DEPDC1: variants seen among roughly 807,000 people sequenced by gnomAD.
DEPDC1 encodes the protein DEP domain containing 1.
In DEPDC1, 66 loss-of-function variants were observed where a neutral mutation model predicts 86.8. The ratio of observed to expected loss-of-function variants is 0.76; its 90% CI spans 0.62 to 0.93. The LOEUF (loss-of-function observed/expected upper bound fraction) is 0.93, where lower values mean the gene tolerates loss of function less well. DEPDC1 is among the 40% of genes least tolerant of loss of function. The probability of loss-of-function intolerance (pLI) is 0.00; values close to 1 mark genes in which losing one functional copy is unlikely to be tolerated. For missense variants in DEPDC1, 792 were observed against 935.7 expected, an observed-to-expected ratio of 0.85 and a Z score of 2.00; for synonymous variants, 255 against 314.9, an observed-to-expected ratio of 0.81 and a Z score of 2.02.
In DEPDC1 at chr1:68,479,211, A is replaced by G; in HGVS notation, c.2045T>C (p.Ile682Thr). The change falls in exon 10 of 12, where the codon ATT (isoleucine) becomes ACT (threonine). Residue 682 changes from isoleucine to threonine, a missense_variant. By Grantham distance (89) the Ile-to-Thr change is moderately conservative. Coordinates refer to ENST00000456315, the MANE Select transcript of DEPDC1 (RefSeq NM_001114120.3). ...VSFLMDHHQEILQVPSYLQTA... is the reference protein window; with the variant it reads ...VSFLMDHHQETLQVPSYLQTA... ...CTGTAAGTAAGAGGGTACTTGAAGA[A>G]TTTCCTGATGATGATCCATTAAGAA... 6.2e-7 allele frequency: 1 copy of G among 1,612,344 alleles called. No homozygotes were observed. The highest frequency in any genetic ancestry group is 8.5e-7 in the Non-Finnish European group (1 of 1,179,274).
Position 68,479,190 on chromosome 1 carries a change from A to T in DEPDC1, c.2066T>A (p.Leu689Ter), listed in dbSNP as rs1050001809. The change falls in exon 10 of 12, where the codon TTA (leucine) becomes TAA (stop). Residue 689 changes from leucine to a stop codon, truncating the protein, a stop_gained. Coordinates refer to ENST00000456315, the MANE Select transcript of DEPDC1 (RefSeq NM_001114120.3). LOFTEE classifies it high-confidence loss of function. Reference protein sequence around the residue: ...HQEILQVPSYLQTAVEKHLDY... With the variant: ...HQEILQVPSY ...AAGATGTTTTTCCACTGCAGTCTGT[A>T]AGTAAGAGGGTACTTGAAGAATTTC... is the stretch of plus-strand genomic sequence containing the variant. 6.2e-7 allele frequency: 1 copy of T among 1,611,666 alleles called. No individual in the cohort carries two copies. Among genetic ancestry groups the T allele is most frequent in the African/African-American group, 1.3e-5 (1 of 74,768 alleles).
intron 7 of DEPDC1, 184 bp from the exon 8 acceptor site, chr1:68,483,081 C>T (rs1032601276): frequency 1.8e-5 from 11 of 623,042 alleles, no homozygotes; most frequent in Middle Eastern, 4.3e-4. Context: ...CGGTTACAAA[C>T]GTGCAAGACA....
At chr1:68,490,267 T>C (rs1646220831) in intron 2 of DEPDC1, among the ~76,000 whole-genome samples, 2 of 152,146 alleles carry the variant, frequency 1.3e-5, no homozygotes, top group Non-Finnish European at 2.9e-5. Flanking sequence ...CTCTCCCTCC[T>C]CACACCTTCC....
chr1:68,478,131 T>C (rs1646130114), intron 10 of DEPDC1, among the ~76,000 whole-genome samples, 159 bp from the exon 11 acceptor site: 1 of 151,988 alleles, frequency 6.6e-6, no homozygotes, highest in Admixed American at 6.6e-5. Context: ...TGTAAGTCAG[T>C]AGGTTCTAAA....
chr1:68,487,718 C>A (rs1646201838), intron 5 of DEPDC1, among the ~76,000 whole-genome samples: 1 of 151,862 alleles, frequency 6.6e-6, no homozygotes, highest in Admixed American at 6.6e-5. Context: ...CAGTTAATTC[C>A]ACAGACAGAA....
chr1:68,480,570 A>T (rs1164807710), intron 9 of DEPDC1, among the ~76,000 whole-genome samples: 2 of 151,776 alleles, frequency 1.3e-5, no homozygotes, highest in Admixed American at 6.6e-5. Context: ...TATTTCCAAC[A>T]TTCTGTTGGA....
In DEPDC1 at chr1:68,479,340, T is replaced by C. The variant is rs1557616421; in HGVS notation, c.1936-20A>G. ...TATCATCTAGAAAAATATTAAAAGA[T>C]GTGAATTTAAAAAGCTAAGGTTGCA... is the stretch of plus-strand genomic sequence containing the variant. On this transcript the variant is annotated intron_variant, in intron 9 of 11. Transcript: ENST00000456315. 1.3e-6 allele frequency: 2 copies of C among 1,539,004 alleles called. No homozygotes were observed. Among genetic ancestry groups the C allele is most frequent in the Non-Finnish European group, 1.8e-6 (2 of 1,139,404 alleles).
intron 3 of DEPDC1, 121 bp from the exon 4 acceptor site, chr1:68,489,155 A>G: frequency 1.4e-6 from 1 of 690,638 alleles, no homozygotes; most frequent in Non-Finnish European, 2.5e-6. Context: ...CAAAGAAATA[A>G]TGTAATATGG....
rs201872801 is a variant in DEPDC1, at chr1:68,489,574, G to A, written c.349C>T (p.Arg117Ter). ...TTTTTTCTCAATTCTGGATACCTTC[G>A]TGGTAGAGTTTTAAGTGGCGAAGTT... ...PATSPLKTLP[R>*]RYPELRKNNI... Residue 117 changes from arginine (R) to a stop codon, truncating the protein, a stop_gained, in exon 3 of 12, where the codon CGA becomes TGA. Coordinates refer to ENST00000456315, the MANE Select transcript of DEPDC1 (RefSeq NM_001114120.3). LOFTEE classifies it high-confidence loss of function. 3.1e-5 allele frequency: 47 copies of A among 1,539,956 alleles called. No homozygotes were observed. The highest frequency in any genetic ancestry group is 2.9e-5 in the African/African-American group (2 of 69,398).
rs964196131 is a variant in DEPDC1 at position 68,496,659 on chromosome 1, G to C, written c.48+293C>G. ...TCGGAATATTCTAAGACGCCCCCACGGGACGCCGGCCACACCAGGCACAGG... is the reference window on the plus strand; with the variant it reads ...TCGGAATATTCTAAGACGCCCCCACCGGACGCCGGCCACACCAGGCACAGG... On this transcript the variant is annotated intron_variant, in intron 1 of 11. Transcript: ENST00000456315. The surrounding 1 kb of genome is among the most constrained non-coding windows in gnomAD (Gnocchi z 4.0). The C allele has an allele frequency of 3.6e-5, 13 of 361,296 alleles. No homozygotes were observed. The highest frequency in any genetic ancestry group is 9.1e-5 in the Admixed American group (2 of 21,976). The allele number at this position is 361,296 out of a possible 1,614,324, so 22.4% of individuals were successfully genotyped here. A position where few individuals can be genotyped will look rare whatever the true frequency, so the allele number is the denominator to read the frequency against.
chr1:68,488,477 G>T lies in DEPDC1; in HGVS notation c.618C>A (p.Ser206=). 6.2e-7 allele frequency: 1 copy of T among 1,604,528 alleles called. No individual in the cohort carries two copies. Among genetic ancestry groups the T allele is most frequent in the South Asian group, 1.1e-5 (1 of 89,088 alleles). Reference sequence around the variant, plus strand: ...GTTTTGGATTTATGACTTCTTCTAGGGATGGCACACCTAAAATGGTTTGCA... The same window carrying T: ...GTTTTGGATTTATGACTTCTTCTAGTGATGGCACACCTAAAATGGTTTGCA... ...IYLQTILGVP[S]LEEVINPKQV... The change falls in exon 5 of 12, where the codon TCC becomes TCA. Residue 206 remains serine, a synonymous_variant. Transcript: ENST00000456315.
chr1:68,487,079 T>C, intron 5 of DEPDC1, 95 bp from the exon 6 acceptor site: 2 of 1,089,608 alleles, frequency 1.8e-6, no homozygotes, highest in Middle Eastern at 2.2e-4. Flanking sequence ...TATATATGTA[T>C]ATACACATAC....
At chr1:68,478,617 G>A (rs1646132857) in intron 10 of DEPDC1, among the ~76,000 whole-genome samples, 1 of 151,876 alleles carries the variant, frequency 6.6e-6, no homozygotes, top group South Asian at 2.1e-4. Context: ...TACAGTAGAT[G>A]TCTGTTATTT....
chr1:68,485,858 C>A lies in DEPDC1; in HGVS notation c.769+1079G>T, dbSNP rs1284207684. On this transcript the variant is annotated intron_variant, in intron 6 of 11. Transcript: ENST00000456315. The stretch of plus-strand genomic sequence containing the variant: ...TGGACAACAAAGGAATATAAAGTTA[C>A]CCTGAACATTAATAAAACCCTATTA... Among the ~76,000 whole-genome samples the A allele has an allele frequency of 2.0e-5, 3 of 151,876 alleles. No homozygotes were observed. The East Asian group carries it at 5.8e-4, about 29-fold the overall frequency.
chr1:68,475,702 C>T lies in DEPDC1; in HGVS notation c.*1230G>A, dbSNP rs2100235556. On this transcript the variant is annotated 3_prime_UTR_variant, in exon 12 of 12. Coordinates refer to ENST00000456315, the MANE Select transcript of DEPDC1 (RefSeq NM_001114120.3). ...AACTTGCTTCAAGTTTGTACCAAGT[C>T]AATCAAGCAGAAACCTGAAGAACCT... The T allele has an allele frequency of 6.6e-6, 1 of 151,852 alleles. No individual in the cohort carries two copies. The highest frequency in any genetic ancestry group is 2.4e-5 in the African/African-American group (1 of 41,494). 9.4% of individuals were successfully genotyped at this position (151,852 alleles called of 1,614,324 possible).
intron 5 of DEPDC1, 47 bp from the exon 6 acceptor site, chr1:68,487,031 G>A: frequency 1.3e-6 from 2 of 1,541,144 alleles, no homozygotes; most frequent in Middle Eastern, 1.7e-4. Context: ...CATTTTTTAT[G>A]ATAGTATATT....
intron 9 of DEPDC1, among the ~76,000 whole-genome samples, 177 bp downstream of exon 9, chr1:68,481,263 T>C (rs1259175706): frequency 1.3e-5 from 2 of 151,972 alleles, no homozygotes; most frequent in Non-Finnish European, 2.9e-5. Flanking sequence ...TAACAGAGTG[T>C]GCACAAAAGA....
At position 68,482,193 on chromosome 1, in the gene DEPDC1, CA is replaced by C. The variant is rs748541913; in HGVS notation, c.1614del (p.Gly539AspfsTer31). The C allele has an allele frequency of 8.1e-6, 13 of 1,612,704 alleles. No individual in the cohort carries two copies. In the South Asian group the frequency reaches 1.4e-4, roughly 18 times the overall value. ...GTTTGCACACTTGTGCTGCCTTGTC[CA>C]ACATTTGGTTTCATGATAATTTCAG... ...PVAEIIMKPN[V>X]GQGSTSVQTA... On this transcript the variant is annotated frameshift_variant, in exon 8 of 12. Coordinates refer to ENST00000456315, the MANE Select transcript of DEPDC1 (RefSeq NM_001114120.3). LOFTEE classifies it high-confidence loss of function.
rs973822384 is a variant in DEPDC1 at position 68,476,857 on chromosome 1, T to G, written c.*75A>C. ...ACCTTATTAATGACAGACTTCCTTT[T>G]GAGTAGCTACATTCTCAGATATGGC... On this transcript the variant is annotated 3_prime_UTR_variant, in exon 12 of 12. Transcript: ENST00000456315. The G allele has an allele frequency of 7.8e-7, 1 of 1,277,214 alleles. No homozygotes were observed. The highest frequency in any genetic ancestry group is 1.5e-5 in the African/African-American group (1 of 65,858). The allele number at this position is 1,277,214 out of a possible 1,614,324, so 79.1% of individuals were successfully genotyped here.
Sources: allele counts gnomAD v4.1 joint callset (sites outside exome capture counted in the v4.1 genomes callset), GRCh38; gene constraint gnomAD v4.1.1; non-coding constraint Gnocchi (gnomAD v3.1); transcripts MANE v1.5; gene names NCBI Gene and HGNC (gene_info 2026-07-23, HGNC 2026-07-21).